Variants in BLOC1S5 observed in about 807,000 individuals in gnomAD.
The protein encoded by BLOC1S5 is biogenesis of lysosome-related organelles complex 1 subunit 5.
A neutral mutation model predicts 24.3 loss-of-function variants in BLOC1S5; 27 were observed. The ratio of observed to expected loss-of-function variants is 1.11; its 90% CI spans 0.82 to 1.53. The LOEUF is 1.53. Ranked by LOEUF, BLOC1S5 falls within the 40% of genes most tolerant of loss-of-function variation. BLOC1S5 has a pLI of 0.00. For missense variants in BLOC1S5, 239 were observed against 229.4 expected, an observed-to-expected ratio of 1.04 and a Z score of -0.27; for synonymous variants, 84 against 74.5, an observed-to-expected ratio of 1.13 and a Z score of -0.66.
chr6:8,017,576 G>C (rs1203959687), intron 4 of BLOC1S5, among the ~76,000 whole-genome samples: 1 of 152,206 alleles, frequency 6.6e-6, no homozygotes, highest in Non-Finnish European at 1.5e-5. Context: ...CGTTCTTCCT[G>C]TTCTATTTTC....
chr6:8,033,447 C>T (rs1026336352), intron 3 of BLOC1S5, among the ~76,000 whole-genome samples: 1 of 152,138 alleles, frequency 6.6e-6, no homozygotes, highest in African/African-American at 2.4e-5. Context: ...GAAACTGGAT[C>T]CCTTCCTTAC....
intron 2 of BLOC1S5, among the ~76,000 whole-genome samples, chr6:8,052,026 G>T (rs1323501754): frequency 6.7e-6 from 1 of 149,800 alleles, no homozygotes; most frequent in Non-Finnish European, 1.5e-5. Flanking sequence ...GGAGTGCAGG[G>T]TGCGATCTCG....
intron 4 of BLOC1S5, among the ~76,000 whole-genome samples, chr6:8,021,554 G>T (rs1176289166): frequency 6.6e-6 from 1 of 151,990 alleles, no homozygotes; most frequent in Non-Finnish European, 1.5e-5. Context: ...AGCCGAGATC[G>T]CACCACTGCA....
chr6:8,054,721 A>G (rs1383996859), intron 2 of BLOC1S5, among the ~76,000 whole-genome samples: 1 of 152,242 alleles, frequency 6.6e-6, no homozygotes, highest in African/African-American at 2.4e-5. Flanking sequence ...ATTGGTAACT[A>G]TCTTAGCGTT....
chr6:8,013,746 G>A lies in BLOC1S5; in HGVS notation c.*1903C>T, dbSNP rs1762651853. ...TAATCGCATTCCAAAAAGTGTCTACGGTACAAAGGGAATTTTCATTTAAGG... is the reference window on the plus strand; with the variant it reads ...TAATCGCATTCCAAAAAGTGTCTACAGTACAAAGGGAATTTTCATTTAAGG... On this transcript the variant is annotated 3_prime_UTR_variant, in exon 5 of 5. Coordinates refer to ENST00000397457, the MANE Select transcript of BLOC1S5 (RefSeq NM_201280.3). The A allele has an allele frequency of 1.3e-5, 2 of 152,088 alleles. No homozygotes were observed. Among genetic ancestry groups the A allele is most frequent in the South Asian group, 2.1e-4 (1 of 4,834 alleles). 9.4% of individuals were successfully genotyped at this position (152,088 alleles called of 1,614,324 possible). A position where few individuals can be genotyped will look rare whatever the true frequency, so the allele number is the denominator to read the frequency against.
At chr6:8,049,037 AAGAGG>A in intron 2 of BLOC1S5, among the ~76,000 whole-genome samples, 1 of 118,788 alleles carries the variant, frequency 8.4e-6, no homozygotes. Context: ...GGAAAGAAAG[AAGAGG>A]AGGGGAGGGG....
At chr6:8,047,160 T>TCTCTCTCTCTCTCA (rs1475934039) in intron 2 of BLOC1S5, among the ~76,000 whole-genome samples, 15 of 126,914 alleles carry the variant, frequency 1.2e-4, no homozygotes, top group Admixed American at 2.5e-4. Context: ...TCTCTCTCTC[T>TCTCTCTCTCTCTCA]CACACACACA....
chr6:8,015,343 A>G lies in BLOC1S5; in HGVS notation c.*306T>C, dbSNP rs1019192013. ...ATCTTTCTAAGAAGTCTATACCTAC[A>G]GTTCTCTGAGCTAATCAATGGAAAA... On this transcript the variant is annotated 3_prime_UTR_variant, in exon 5 of 5. Transcript: ENST00000397457. 2 of 268,698 alleles carry G rather than the reference A, an allele frequency of 7.4e-6. No individual in the cohort carries two copies. Among genetic ancestry groups the G allele is most frequent in the Non-Finnish European group, 1.4e-5 (2 of 142,980 alleles). 16.6% of individuals were successfully genotyped at this position (268,698 alleles called of 1,614,324 possible).
intron 3 of BLOC1S5, among the ~76,000 whole-genome samples, chr6:8,035,345 CTTT>C (rs1256450310): frequency 2.2e-4 from 17 of 75,606 alleles, no homozygotes; most frequent in East Asian, 8.0e-4. Context: ...GAATAAAAAT[CTTT>C]TTTTTTTTTT....
intron 4 of BLOC1S5, among the ~76,000 whole-genome samples, chr6:8,016,876 C>CAAAAAAAAAAAAAAAAAAAA: frequency 1.0e-5 from 1 of 97,602 alleles, no homozygotes; most frequent in Non-Finnish European, 1.9e-5. Context: ...TACTCTATCT[C>CAAAAAAAAAAAAAAAAAAAA]AAAAAAAAAA....
At chr6:8,025,364 G>A (rs1279778622) in intron 4 of BLOC1S5, among the ~76,000 whole-genome samples, 4 of 152,066 alleles carry the variant, frequency 2.6e-5, no homozygotes, top group Admixed American at 6.6e-5. Context: ...CTCTCTGCAC[G>A]CTGTGCAAGC....
intron 4 of BLOC1S5, among the ~76,000 whole-genome samples, chr6:8,019,310 C>T (rs1036788141): frequency 6.7e-6 from 1 of 148,226 alleles, no homozygotes; most frequent in Non-Finnish European, 1.5e-5. Context: ...CTCCTGTTGC[C>T]CAGGCTGGAG....
intron 4 of BLOC1S5, 74 bp downstream of exon 4, chr6:8,026,293 T>C: frequency 8.0e-7 from 1 of 1,253,530 alleles, no homozygotes; most frequent in Non-Finnish European, 1.2e-6. Context: ...AATTTTCTGA[T>C]CAAAAGCAAT....
At chr6:8,057,149 G>T (rs1255421716) in intron 2 of BLOC1S5, among the ~76,000 whole-genome samples, 1 of 152,060 alleles carries the variant, frequency 6.6e-6, no homozygotes, top group African/African-American at 2.4e-5. Flanking sequence ...AATCTGGGAG[G>T]GGGAGGTTAC....
intron 3 of BLOC1S5, among the ~76,000 whole-genome samples, chr6:8,033,097 T>G (rs1763360713): frequency 6.6e-6 from 1 of 152,270 alleles, no homozygotes; most frequent in South Asian, 2.1e-4. Flanking sequence ...AAGCTACCAA[T>G]GACCTTCTTC....
intron 2 of BLOC1S5, chr6:8,054,338 CA>C: frequency 2.4e-6 from 1 of 419,978 alleles, no homozygotes; most frequent in South Asian, 1.8e-5. Flanking sequence ...CTGGATATTA[CA>C]CTGTCTGCCT....
chr6:8,029,627 G>A (rs1213144803), intron 3 of BLOC1S5, among the ~76,000 whole-genome samples: 1 of 152,168 alleles, frequency 6.6e-6, no homozygotes, highest in Non-Finnish European at 1.5e-5. Context: ...AATCAAAGTG[G>A]CTACTCAGCA....
chr6:8,054,484 G>A (rs1323173756), intron 2 of BLOC1S5: 2 of 284,354 alleles, frequency 7.0e-6, no homozygotes, highest in Non-Finnish European at 1.4e-5. Context: ...CTTAGGAAAG[G>A]CTCATTGGAA....
At chr6:8,018,985 A>ATTGC in intron 4 of BLOC1S5, among the ~76,000 whole-genome samples, 1 of 152,380 alleles carries the variant, frequency 6.6e-6, no homozygotes, top group Admixed American at 6.5e-5. Flanking sequence ...AACAGTCTTT[A>ATTGC]AGACGCTGCA....
Sources: gnomAD v4.1 joint callset for allele counts (sites outside exome capture counted in the v4.1 genomes callset) on GRCh38, gnomAD v4.1.1 for gene constraint, MANE v1.5 for transcripts, NCBI Gene and HGNC (gene_info 2026-07-23, HGNC 2026-07-21) for gene names.